Variants in FRAS1 observed in about 807,000 individuals in gnomAD.
The protein encoded by FRAS1 is Fraser extracellular matrix complex subunit 1, also known as extracellular matrix organizing protein FRAS1.
In FRAS1, 290 loss-of-function variants were observed where a neutral mutation model predicts 435.2. The observed-to-expected ratio is 0.67, with a 90% CI of 0.61 to 0.73. The LOEUF is 0.73. FRAS1 is among the 30% of genes least tolerant of loss of function. The pLI is 0.00. For synonymous variants in FRAS1, 1,800 were observed against 1,851.0 expected, an observed-to-expected ratio of 0.97 and a Z score of 0.71; for missense variants, 4,860 against 5,001.5, an observed-to-expected ratio of 0.97 and a Z score of 0.85.
chr4:78,471,792 A>C (rs555682176), intron 51 of FRAS1, among the ~76,000 whole-genome samples: 11 of 152,292 alleles, frequency 7.2e-5, no homozygotes, highest in Non-Finnish European at 1.6e-4. Flanking sequence ...GTACTGAATT[A>C]TTCTTTCAAA....
In FRAS1 at chr4:78,253,429, G is replaced by A. The variant is rs186539293; in HGVS notation, c.469+878G>A. 4.7e-4 allele frequency among the ~76,000 whole-genome samples: 71 copies of A among 152,258 alleles called. 2 individuals carry two copies. The South Asian group carries it at 8.1e-3, about 17-fold the overall frequency. On this transcript the variant is annotated intron_variant, in intron 5 of 73. Coordinates refer to ENST00000512123, the MANE Select transcript of FRAS1 (RefSeq NM_025074.7). Reference sequence around the variant, plus strand: ...TACATTCTCAGCTTGTGAAGATAACGGGATTAAAAGATTAAAGACAGGCAT... The same window carrying A: ...TACATTCTCAGCTTGTGAAGATAACAGGATTAAAAGATTAAAGACAGGCAT...
At position 78,303,429 on chromosome 4, in the gene FRAS1, A is replaced by G. The variant is rs995141693; in HGVS notation, c.1535-4637A>G. 2.0e-5 allele frequency among the ~76,000 whole-genome samples: 3 copies of G among 152,244 alleles called. No individual in the cohort carries two copies. In the East Asian group the frequency reaches 5.8e-4, roughly 29 times the overall value. The stretch of plus-strand genomic sequence containing the variant: ...GGTAGCTTGATGGGGATGGCATTGA[A>G]TCTGTAAATTACGTTGGGCAGTATG... On this transcript the variant is annotated intron_variant, in intron 14 of 73. Transcript: ENST00000512123.
At chr4:78,497,164 G>A (rs114325153) in intron 60 of FRAS1, among the ~76,000 whole-genome samples, 1,740 of 152,210 alleles carry the variant, frequency 0.011, 30 homozygotes, top group African/African-American at 0.04. Context: ...TAATATCATT[G>A]TTCCCTACCA....
intron 35 of FRAS1, among the ~76,000 whole-genome samples, chr4:78,427,459 G>A (rs1734041393): frequency 6.6e-6 from 1 of 152,168 alleles, no homozygotes; most frequent in Admixed American, 6.5e-5. Flanking sequence ...TAAAACTAAT[G>A]TAAAATATAA....
In FRAS1 at chr4:78,430,307, T is replaced by C. The variant is rs748463259; in HGVS notation, c.4859T>C (p.Val1620Ala). ...GSTSVGLQVV[V>A]RDAETAPKEL... ...CTTGCTGCAGGACTTCAGGTGGTAG[T>C]AAGAGATGCTGAGACAGCGCCCAAA... Residue 1620 changes from valine (V) to alanine (A), a missense_variant, in exon 37 of 74, where the codon GTA becomes GCA. Coordinates refer to ENST00000512123, the MANE Select transcript of FRAS1 (RefSeq NM_025074.7). The C allele has an allele frequency of 2.5e-6, 4 of 1,613,836 alleles. No homozygotes were observed. Among genetic ancestry groups the C allele is most frequent in the Non-Finnish European group, 1.7e-6 (2 of 1,179,878 alleles).
intron 14 of FRAS1, among the ~76,000 whole-genome samples, chr4:78,302,417 T>G (rs1016436441): frequency 1.3e-5 from 2 of 152,010 alleles, no homozygotes; most frequent in African/African-American, 4.8e-5. Flanking sequence ...TCTAGATCCC[T>G]GAGGAATCGC....
intron 2 of FRAS1, chr4:78,181,313 T>A: frequency 6.2e-7 from 1 of 1,608,414 alleles, no homozygotes; most frequent in Non-Finnish European, 8.5e-7. Flanking sequence ...TTCTTCACCT[T>A]CAGGTGTTTC....
intron 2 of FRAS1, among the ~76,000 whole-genome samples, chr4:78,229,169 A>G (rs376284065): frequency 6.6e-6 from 1 of 152,204 alleles, no homozygotes; most frequent in Non-Finnish European, 1.5e-5. Flanking sequence ...ACTTTGGGAC[A>G]TTACTTAACC....
chr4:78,268,973 A>G lies in FRAS1; in HGVS notation c.981+1541A>G, dbSNP rs148174292. Among the ~76,000 whole-genome samples the G allele has an allele frequency of 9.8e-5, 15 of 152,300 alleles. No homozygotes were observed. The East Asian group carries it at 2.9e-3, about 29-fold the overall frequency. On this transcript the variant is annotated intron_variant, in intron 9 of 73. Transcript: ENST00000512123. ...CACCTATTTCTCCAGATCTTTAACC[A>G]GCTAAATTGTTTTCTTCCATATTAC... is the stretch of plus-strand genomic sequence containing the variant.
At chr4:78,277,235 A>G (rs1727091994) in intron 9 of FRAS1, among the ~76,000 whole-genome samples, 1 of 152,334 alleles carries the variant, frequency 6.6e-6, no homozygotes, top group South Asian at 2.1e-4. Flanking sequence ...TGGCTAGGAA[A>G]GGGAATTCCC....
intron 14 of FRAS1, among the ~76,000 whole-genome samples, chr4:78,307,673 T>C (rs345531): frequency 0.087 from 13,316 of 152,266 alleles, 1,885 homozygotes; most frequent in African/African-American, 0.3. Flanking sequence ...CCCTGACCCC[T>C]TGCGCTTCCC....
intron 2 of FRAS1, among the ~76,000 whole-genome samples, chr4:78,192,984 A>G (rs912231824): frequency 1.3e-5 from 2 of 152,066 alleles, no homozygotes; most frequent in East Asian, 1.9e-4. Context: ...CTTTGTTCTC[A>G]TTGGTTTCAA....
At chr4:78,375,155 A>G (rs930602923) in intron 25 of FRAS1, among the ~76,000 whole-genome samples, 4 of 152,222 alleles carry the variant, frequency 2.6e-5, no homozygotes, top group Non-Finnish European at 5.9e-5. Context: ...CCTATGTCCT[A>G]TTAATAGCTG....
chr4:78,138,995 C>A (rs377117415), intron 2 of FRAS1, among the ~76,000 whole-genome samples: 24 of 152,274 alleles, frequency 1.6e-4, no homozygotes, highest in African/African-American at 5.8e-4. Flanking sequence ...ATGTGCAATG[C>A]AGATCTGCAC....
At chr4:78,498,022 T>C (rs894863344) in intron 60 of FRAS1, among the ~76,000 whole-genome samples, 1 of 152,060 alleles carries the variant, frequency 6.6e-6, no homozygotes, top group Non-Finnish European at 1.5e-5. Flanking sequence ...TTCTCACTCA[T>C]AAGTGGGAGG....
At chr4:78,496,293 C>T (rs544781171) in intron 59 of FRAS1, among the ~76,000 whole-genome samples, 10 of 152,110 alleles carry the variant, frequency 6.6e-5, no homozygotes, top group African/African-American at 1.9e-4. Flanking sequence ...GCAGCAGATT[C>T]GAAAATTCTT....
In FRAS1 at chr4:78,543,865, G is replaced by C. The variant is rs1346336844; in HGVS notation, c.*2741G>C. On this transcript the variant is annotated 3_prime_UTR_variant, in exon 74 of 74. Coordinates refer to ENST00000512123, the MANE Select transcript of FRAS1 (RefSeq NM_025074.7). ...CCTTTTATATCTTGCCTTCAAGTGAGAAGGAACAAACAACTCTCAGTGGTT... is the reference window on the plus strand; with the variant it reads ...CCTTTTATATCTTGCCTTCAAGTGACAAGGAACAAACAACTCTCAGTGGTT... 6.6e-6 allele frequency: 1 copy of C among 152,498 alleles called. No homozygotes were observed. The highest frequency in any genetic ancestry group is 1.5e-5 in the Non-Finnish European group (1 of 68,050). The allele number at this position is 152,498 out of a possible 1,614,324, so 9.4% of individuals were successfully genotyped here. A position where few individuals can be genotyped will look rare whatever the true frequency, so the allele number is the denominator to read the frequency against.
chr4:78,301,846 GTTTTTTTTTTTTT>G (rs59794614), intron 14 of FRAS1, among the ~76,000 whole-genome samples: 1 of 103,936 alleles, frequency 9.6e-6, no homozygotes, highest in East Asian at 2.9e-4. Context: ...CACAGAAACA[GTTTTTTTTTTTTT>G]TTTTTTTTTT....
chr4:78,413,231 T>A (rs1328612303), intron 32 of FRAS1, 146 bp downstream of exon 32: 9 of 504,798 alleles, frequency 1.8e-5, no homozygotes, highest in Non-Finnish European at 2.8e-5. Flanking sequence ...GTGGTCACAT[T>A]TCTCATTGAC....
Sources: gnomAD v4.1 joint callset for allele counts (sites outside exome capture counted in the v4.1 genomes callset) on GRCh38, gnomAD v4.1.1 for gene constraint, MANE v1.5 for transcripts, NCBI Gene and HGNC (gene_info 2026-07-23, HGNC 2026-07-21) for gene names.